Variants in CYP46A1 observed in about 807,000 individuals in gnomAD.
CYP46A1 encodes the protein cytochrome P450 family 46 subfamily A member 1.
CYP46A1 carries 20 observed loss-of-function variants against 63.3 expected under a neutral mutation model. That is an observed-to-expected ratio of 0.32 (90% CI 0.22 to 0.46). The LOEUF (loss-of-function observed/expected upper bound fraction) is 0.46. CYP46A1 is among the 20% of genes least tolerant of loss of function. The pLI, the probability that CYP46A1 is intolerant of heterozygous loss-of-function variation, is 1.00. For synonymous variants in CYP46A1, 268 were observed against 273.6 expected (o/e 0.98, Z 0.20); for missense variants, 445 against 670.8 (o/e 0.66, Z 3.72).
At chr14:99,691,421 G>A in intron 2 of CYP46A1, 1 of 583,834 alleles carries the variant, frequency 1.7e-6, no homozygotes. Flanking sequence ...TGGGTGGGGG[G>A]GTGTGACCAG....
At chr14:99,721,903 G>T in intron 11 of CYP46A1, 53 bp from the exon 12 acceptor site, 1 of 1,476,830 alleles carries the variant, frequency 6.8e-7, no homozygotes, top group South Asian at 1.1e-5. Flanking sequence ...CGGCCGGCAT[G>T]ATCTGTGGCC....
chr14:99,690,240 G>A (rs2056532016), intron 1 of CYP46A1, among the ~76,000 whole-genome samples: 1 of 152,182 alleles, frequency 6.6e-6, no homozygotes, highest in South Asian at 2.1e-4. Flanking sequence ...TTGACCTTGA[G>A]CAGTAGGACA....
In CYP46A1 at chr14:99,718,036, CG is replaced by C. The variant is rs1279764195; in HGVS notation, c.908-17del. ...CTGTGGCCCCATGTGGAGCAACCACCGTCCTCCCTTCCCACAGGTCACGAGA... is the reference window on the plus strand; with the variant it reads ...CTGTGGCCCCATGTGGAGCAACCACCTCCTCCCTTCCCACAGGTCACGAGA... On this transcript the variant is annotated splice_polypyrimidine_tract_variant and intron_variant, in intron 9 of 14. Coordinates refer to ENST00000261835, the MANE Select transcript of CYP46A1 (RefSeq NM_006668.2). The C allele has an allele frequency of 1.9e-6, 3 of 1,608,408 alleles. No homozygotes were observed. The highest frequency in any genetic ancestry group is 2.6e-6 in the Non-Finnish European group (3 of 1,175,182).
At chr14:99,726,357 G>A in intron 14 of CYP46A1, 101 bp downstream of exon 14, 3 of 1,344,264 alleles carry the variant, frequency 2.2e-6, no homozygotes, top group Non-Finnish European at 3.1e-6. Context: ...TGGGGCTGCT[G>A]GGCTGTGGGC....
At chr14:99,686,299 C>G (rs561075214) in intron 1 of CYP46A1, among the ~76,000 whole-genome samples, 13 of 151,252 alleles carry the variant, frequency 8.6e-5, no homozygotes, top group Admixed American at 2.0e-4. Flanking sequence ...ATGACCTGTT[C>G]TGGTCTCTGT....
intron 3 of CYP46A1, among the ~76,000 whole-genome samples, chr14:99,699,048 A>T (rs1464639239): frequency 1.3e-5 from 2 of 151,864 alleles, no homozygotes; most frequent in African/African-American, 4.8e-5. Flanking sequence ...CATGCTAGCA[A>T]TATTAAATGT....
chr14:99,687,984 T>TG, intron 1 of CYP46A1, among the ~76,000 whole-genome samples: 1 of 11,126 alleles, frequency 9.0e-5, no homozygotes, highest in East Asian at 0.029. Context: ...AAGGAATGGG[T>TG]TTTTTTTCCC....
Position 99,726,266 on chromosome 14 carries a change from G to A in CYP46A1, c.1332+10G>A. 6.2e-7 allele frequency: 1 copy of A among 1,612,620 alleles called. No homozygotes were observed. Reference sequence around the variant, plus strand: ...GCAGCAGTTTGCTCAGGTAGGAGGGGCAGGGCTGTGGTTCTGCCCAGGAGT... The same window carrying A: ...GCAGCAGTTTGCTCAGGTAGGAGGGACAGGGCTGTGGTTCTGCCCAGGAGT... On this transcript the variant is annotated intron_variant, in intron 14 of 14. Coordinates refer to ENST00000261835, the MANE Select transcript of CYP46A1 (RefSeq NM_006668.2).
intron 3 of CYP46A1, among the ~76,000 whole-genome samples, chr14:99,694,658 C>T (rs1340117289): frequency 6.6e-6 from 1 of 152,006 alleles, no homozygotes; most frequent in South Asian, 2.1e-4. Flanking sequence ...CACCACTGCA[C>T]GTGGCTAAAT....
rs988109980 is a variant in CYP46A1 at position 99,726,718 on chromosome 14, C to T, written c.1494C>T (p.Pro498=). Residue 498 remains proline, a synonymous_variant, in exon 15 of 15, where the codon CCC becomes CCT. Coordinates refer to ENST00000261835, the MANE Select transcript of CYP46A1 (RefSeq NM_006668.2). ...PRGWQPAPPP[P]PC ...GCTGGCAGCCCGCACCCCCACCACCCCCCTGCTGAGGGGGCCTCCAGGCAG... is the reference window on the plus strand; with the variant it reads ...GCTGGCAGCCCGCACCCCCACCACCTCCCTGCTGAGGGGGCCTCCAGGCAG... 55 of 1,530,046 alleles carry T rather than the reference C, an allele frequency of 3.6e-5. No individual in the cohort carries two copies. Among genetic ancestry groups the T allele is most frequent in the Non-Finnish European group, 4.8e-5 (55 of 1,137,058 alleles). 94.8% of individuals were successfully genotyped at this position (1,530,046 alleles called of 1,614,324 possible).
chr14:99,716,529 T>G (rs2056791934), intron 9 of CYP46A1, among the ~76,000 whole-genome samples: 1 of 152,198 alleles, frequency 6.6e-6, no homozygotes, highest in African/African-American at 2.4e-5. Context: ...CTAAGCAGCT[T>G]CATTCATTTG....
intron 3 of CYP46A1, 98 bp downstream of exon 3, chr14:99,691,959 G>T: frequency 7.9e-7 from 1 of 1,259,674 alleles, no homozygotes; most frequent in South Asian, 1.3e-5. Context: ...ATGTTCCAGA[G>T]CCAGGCGCAT....
At chr14:99,706,429 C>A in intron 5 of CYP46A1, 1 of 556,410 alleles carries the variant, frequency 1.8e-6, no homozygotes, top group Non-Finnish European at 3.2e-6. Context: ...AAGGGAACAG[C>A]ATCCATCCTG....
chr14:99,684,629 C>G, intron 1 of CYP46A1, 93 bp downstream of exon 1: 2 of 1,144,396 alleles, frequency 1.7e-6, no homozygotes, highest in Non-Finnish European at 1.2e-6. Context: ...GGGGTCCGGC[C>G]TCGCCTAGTG....
intron 7 of CYP46A1, chr14:99,710,515 T>C (rs1444108189): frequency 2.0e-5 from 3 of 152,242 alleles, no homozygotes; most frequent in East Asian, 3.9e-4. Context: ...AAGCCAAAGC[T>C]GTCAGGAGTA....
chr14:99,701,451 T>C (rs1297025833), intron 5 of CYP46A1, among the ~76,000 whole-genome samples: 1 of 152,214 alleles, frequency 6.6e-6, no homozygotes, highest in Non-Finnish European at 1.5e-5. Context: ...TGCAGTAACC[T>C]GTTGCACAGG....
At chr14:99,707,818 A>G in intron 7 of CYP46A1, 140 bp downstream of exon 7, 1 of 676,286 alleles carries the variant, frequency 1.5e-6, no homozygotes, top group Non-Finnish European at 2.5e-6. Context: ...CTTCTGAATC[A>G]GGATTTGCAT....
At chr14:99,699,772 G>A (rs2056614855) in intron 4 of CYP46A1, among the ~76,000 whole-genome samples, 1 of 152,282 alleles carries the variant, frequency 6.6e-6, no homozygotes, top group South Asian at 2.1e-4. Context: ...TGGGTAACAC[G>A]ATCATCCTTT....
intron 5 of CYP46A1, 73 bp downstream of exon 5, chr14:99,700,174 CT>C: frequency 7.9e-7 from 1 of 1,264,664 alleles, no homozygotes; most frequent in Non-Finnish European, 1.1e-6. Context: ...GTAGGTGGGC[CT>C]TGGGGAGGGA....
Sources: allele counts gnomAD v4.1 joint callset (sites outside exome capture counted in the v4.1 genomes callset), GRCh38; gene constraint gnomAD v4.1.1; transcripts MANE v1.5; gene names NCBI Gene and HGNC (gene_info 2026-07-23, HGNC 2026-07-21).